The following FANCI variants were observed in gnomAD, a reference collection of about 807,000 sequenced individuals.
FANCI encodes FA complementation group I.
Under a neutral mutation model 176.1 loss-of-function variants are expected in FANCI, and 156 were observed. That is an observed-to-expected ratio of 0.89 (90% CI 0.78 to 1.01). FANCI has a LOEUF of 1.01. Among genes scored for constraint, FANCI ranks in the 50% least tolerant of loss-of-function variants. The pLI, the probability that FANCI is intolerant of heterozygous loss-of-function variation, is 0.00. For missense variants in FANCI, 1,678 were observed against 1,534.1 expected, an observed-to-expected ratio of 1.09 and a Z score of -1.57; for synonymous variants, 613 against 541.7, an observed-to-expected ratio of 1.13 and a Z score of -1.83.
chr15:89,274,680 C>G (rs2053339810), intron 12 of FANCI, among the ~76,000 whole-genome samples: 1 of 134,794 alleles, frequency 7.4e-6, no homozygotes, highest in Non-Finnish European at 1.5e-5. Flanking sequence ...TCTTGGCTCA[C>G]TGCACCCTTG....
At chr15:89,256,444 T>C (rs1244654547) in intron 2 of FANCI, among the ~76,000 whole-genome samples, 2 of 152,242 alleles carry the variant, frequency 1.3e-5, no homozygotes, top group Non-Finnish European at 2.9e-5. Flanking sequence ...GGACTCCAGC[T>C]AGAAACACCA....
intron 18 of FANCI, among the ~76,000 whole-genome samples, 159 bp downstream of exon 18, chr15:89,285,377 G>A (rs1313674539): frequency 6.6e-6 from 1 of 152,190 alleles, no homozygotes; most frequent in African/African-American, 2.4e-5. Context: ...GTTTAAGGCA[G>A]GGCACAGTGG....
At chr15:89,276,912 C>A in intron 13 of FANCI, 21 bp downstream of exon 13, 1 of 1,613,716 alleles carries the variant, frequency 6.2e-7, no homozygotes. Context: ...ATTTTGGCAA[C>A]CACTCCCTAA....
In FANCI at chr15:89,285,133, C is replaced by T; in HGVS notation, c.1736C>T (p.Ala579Val). 1 of 1,614,076 alleles carries T rather than the reference C, an allele frequency of 6.2e-7. No homozygotes were observed. The highest frequency in any genetic ancestry group is 8.5e-7 in the Non-Finnish European group (1 of 1,180,014). The change falls in exon 18 of 38, where the codon GCC (alanine) becomes GTC (valine). Residue 579 changes from alanine to valine, a missense_variant. Coordinates refer to ENST00000310775, the MANE Select transcript of FANCI (RefSeq NM_001113378.2). ...GTTCACAGCCATTACAATTCTGTCG[C>T]CAATGAAACTTTTTGCCTTGAGATC... ...VDVHSHYNSV[A>V]NETFCLEIMD... is the part of the protein sequence containing the mutation.
rs767806212 is a variant in FANCI at position 89,291,636 on chromosome 15, A to G, written c.1914A>G (p.Lys638=). ...AGTTAAAACAGTTCTATGAGCCAAA[A>G]CCTGATCTGCTGCCTCCTCTGAAAT... ...LSQLKQFYEP[K]PDLLPPLKLE... Residue 638 remains lysine (K), a synonymous_variant, in exon 20 of 38, where the codon AAA becomes AAG. Coordinates refer to ENST00000310775, the MANE Select transcript of FANCI (RefSeq NM_001113378.2). 1 of 1,613,830 alleles carries G rather than the reference A, an allele frequency of 6.2e-7. No individual in the cohort carries two copies. The highest frequency in any genetic ancestry group is 8.5e-7 in the Non-Finnish European group (1 of 1,179,842).
rs2052715194 is a variant in FANCI at position 89,261,594 on chromosome 15, T to A, written c.298T>A (p.Phe100Ile). The stretch of plus-strand genomic sequence containing the variant: ...TCCTGTGAACTTTTAGGCTCACCAT[T>A]TTCCAGGACCATTATTGGTTGAATT... ...IGLLMLEAHH[F>I]PGPLLVELAN... Residue 100 changes from phenylalanine to isoleucine, a missense_variant, in exon 5 of 38, where the codon TTT (phenylalanine) becomes ATT (isoleucine). By Grantham distance (21) the Phe-to-Ile change is conservative. Coordinates refer to ENST00000310775, the MANE Select transcript of FANCI (RefSeq NM_001113378.2). 6.2e-7 allele frequency: 1 copy of A among 1,614,150 alleles called. No homozygotes were observed.
chr15:89,305,391 G>A lies in FANCI; in HGVS notation c.3237G>A (p.Thr1079=), dbSNP rs767103109. The A allele has an allele frequency of 4.3e-5, 70 of 1,613,688 alleles. No individual in the cohort carries two copies. The East Asian group carries it at 1.4e-3, about 31-fold the overall frequency. Reference sequence around the variant, plus strand: ...ACTTTGCAATAGTGAATTTGAGAACGGCTGCCCCCACTGTCTGTGTAAGTG... The same window carrying A: ...ACTTTGCAATAGTGAATTTGAGAACAGCTGCCCCCACTGTCTGTGTAAGTG... ...TNHFAIVNLR[T]AAPTVCLLVL... Residue 1079 remains threonine, a synonymous_variant, in exon 30 of 38, where the codon ACG becomes ACA. Coordinates refer to ENST00000310775, the MANE Select transcript of FANCI (RefSeq NM_001113378.2).
intron 28 of FANCI, 140 bp downstream of exon 28, chr15:89,304,055 C>G: frequency 1.3e-6 from 1 of 787,366 alleles, no homozygotes; most frequent in African/African-American, 1.7e-5. Flanking sequence ...AATACCAAGT[C>G]GAATTGTTGG....
intron 10 of FANCI, among the ~76,000 whole-genome samples, chr15:89,269,505 ACTTGT>A (rs2053116702): frequency 6.6e-6 from 1 of 151,826 alleles, no homozygotes. Context: ...GCATCAGCCC[ACTTGT>A]CTTGTGTAAT....
chr15:89,289,756 C>G (rs1387473464), intron 18 of FANCI, among the ~76,000 whole-genome samples: 1 of 151,220 alleles, frequency 6.6e-6, no homozygotes, highest in Non-Finnish European at 1.5e-5. Context: ...GCTCTATTGC[C>G]CAGGCTGGAG....
chr15:89,314,815 G>A, intron 36 of FANCI, 108 bp downstream of exon 36: 1 of 603,254 alleles, frequency 1.7e-6, no homozygotes, highest in East Asian at 3.7e-5. Flanking sequence ...TGGGCCATTT[G>A]TGTGTTTGCC....
chr15:89,287,628 A>G (rs998743374), intron 18 of FANCI, among the ~76,000 whole-genome samples: 2 of 152,192 alleles, frequency 1.3e-5, no homozygotes, highest in Non-Finnish European at 2.9e-5. Context: ...AGCTTGTAAC[A>G]TGCCTTACTA....
At position 89,248,263 on chromosome 15, in the gene FANCI, C is replaced by T. The variant is rs576093667; in HGVS notation, c.84+532C>T. On this transcript the variant is annotated intron_variant, in intron 2 of 37. Transcript: ENST00000310775. ...TCTTCTCCCTAATGTTCTTTCTCAG[C>T]TGATATACTGCTCCTTTTTCCATAA... 1.1e-4 allele frequency among the ~76,000 whole-genome samples: 16 copies of T among 152,310 alleles called. No homozygotes were observed. The East Asian group carries it at 3.1e-3, about 29-fold the overall frequency.
At chr15:89,304,508 G>A (rs2054639398) in intron 28 of FANCI, among the ~76,000 whole-genome samples, 1 of 152,226 alleles carries the variant, frequency 6.6e-6, no homozygotes, top group Non-Finnish European at 1.5e-5. Flanking sequence ...CCTTGGCGGG[G>A]CAAGTTAGGA....
chr15:89,311,462 G>A (rs73472631), intron 34 of FANCI, among the ~76,000 whole-genome samples: 4,437 of 152,142 alleles, frequency 0.029, 180 homozygotes, highest in African/African-American at 0.095. Flanking sequence ...AGTCCTGCCC[G>A]CCCGGATCAG....
At chr15:89,276,675 G>A in intron 12 of FANCI, 36 bp from the exon 13 acceptor site, 1 of 1,612,810 alleles carries the variant, frequency 6.2e-7, no homozygotes, top group Non-Finnish European at 8.5e-7. Context: ...ATCTCACTAA[G>A]TTTTTCTTTT....
Position 89,264,594 on chromosome 15 carries a change from C to A in FANCI, c.742C>A (p.Gln248Lys). ...SALDKQHNEE[Q>K]SGDELLDVVT... ...ACTAGATAAGCAGCACAATGAGGAA[C>A]AGAGTGGTGACGAGTGAGTAATATA... The change falls in exon 9 of 38, where the codon CAG (glutamine) becomes AAG (lysine). Residue 248 changes from glutamine to lysine, a missense_variant. Coordinates refer to ENST00000310775, the MANE Select transcript of FANCI (RefSeq NM_001113378.2). The A allele has an allele frequency of 1.9e-6, 3 of 1,613,194 alleles. No individual in the cohort carries two copies. Among genetic ancestry groups the A allele is most frequent in the South Asian group, 2.2e-5 (2 of 91,060 alleles).
At chr15:89,261,373 C>T (rs2052705636) in intron 4 of FANCI, among the ~76,000 whole-genome samples, 1 of 152,206 alleles carries the variant, frequency 6.6e-6, no homozygotes, top group South Asian at 2.1e-4. Flanking sequence ...TATCTGAAAA[C>T]ATCAGGGAAC....
chr15:89,301,547 T>G, intron 27 of FANCI, 105 bp downstream of exon 27: 1 of 846,802 alleles, frequency 1.2e-6, no homozygotes, highest in Non-Finnish European at 2.1e-6. Flanking sequence ...TGAGCTTATT[T>G]TACATAATGT....
Sources: allele counts gnomAD v4.1 joint callset (sites outside exome capture counted in the v4.1 genomes callset), GRCh38; gene constraint gnomAD v4.1.1; transcripts MANE v1.5; gene names NCBI Gene and HGNC (gene_info 2026-07-23, HGNC 2026-07-21).